Variants in ST7 observed in about 807,000 individuals in gnomAD.
The protein encoded by ST7 is suppression of tumorigenicity 7.
ST7 carries 28 observed loss-of-function variants against 78.7 expected under a neutral mutation model. The ratio of observed to expected loss-of-function variants is 0.36; its 90% CI spans 0.26 to 0.49. The LOEUF is 0.49. ST7 is among the 20% of genes least tolerant of loss of function. The pLI is 0.99. For synonymous variants in ST7, 247 were observed against 249.6 expected (o/e 0.99, Z 0.10); for missense variants, 418 against 696.0 (o/e 0.60, Z 4.49).
chr7:117,089,624 T>C (rs1800438711), intron 1 of ST7, among the ~76,000 whole-genome samples: 1 of 149,816 alleles, frequency 6.7e-6, no homozygotes, highest in Non-Finnish European at 1.5e-5. Context: ...CAGGCTGGAG[T>C]GCAATGGCGC....
At chr7:117,048,816 T>G (rs1179840543) in intron 1 of ST7, among the ~76,000 whole-genome samples, 1 of 152,216 alleles carries the variant, frequency 6.6e-6, no homozygotes, top group Non-Finnish European at 1.5e-5. Context: ...GTTCCCTTTG[T>G]TGGGGTTCTC....
At chr7:117,134,830 T>G (rs1410941886) in intron 7 of ST7, among the ~76,000 whole-genome samples, 1 of 151,994 alleles carries the variant, frequency 6.6e-6, no homozygotes, top group Non-Finnish European at 1.5e-5. Flanking sequence ...TGGGCATTTT[T>G]CTCCCTACCT....
chr7:117,062,005 G>C (rs1165641752), intron 1 of ST7, among the ~76,000 whole-genome samples: 1 of 152,152 alleles, frequency 6.6e-6, no homozygotes, highest in African/African-American at 2.4e-5. Flanking sequence ...ATGAAGGTTG[G>C]GAAGTTCAAG....
At chr7:117,090,139 A>G (rs896738567) in intron 1 of ST7, among the ~76,000 whole-genome samples, 3 of 152,256 alleles carry the variant, frequency 2.0e-5, no homozygotes, top group African/African-American at 7.2e-5. Context: ...TGAGGATAAT[A>G]TAAGTATATC....
At chr7:117,194,217 T>C (rs1228769688) in intron 12 of ST7, among the ~76,000 whole-genome samples, 2 of 152,220 alleles carry the variant, frequency 1.3e-5, no homozygotes, top group Admixed American at 6.5e-5. Flanking sequence ...CACTCCCTCC[T>C]GAGAAACTGT....
At chr7:116,973,021 T>C (rs1047728530) in intron 1 of ST7, 3 of 690,124 alleles carry the variant, frequency 4.3e-6, no homozygotes, top group Admixed American at 2.0e-5. Flanking sequence ...CATTTGTTTA[T>C]AGCAGTATGG....
intron 1 of ST7, among the ~76,000 whole-genome samples, chr7:117,048,863 G>A (rs1179003304): frequency 6.6e-6 from 1 of 152,034 alleles, no homozygotes; most frequent in Non-Finnish European, 1.5e-5. Context: ...AGAGTATTGT[G>A]TGTAATGAGC....
At chr7:117,086,246 A>G (rs561812963) in intron 1 of ST7, among the ~76,000 whole-genome samples, 1 of 152,320 alleles carries the variant, frequency 6.6e-6, no homozygotes, top group South Asian at 2.1e-4. Context: ...TTGGCCTTCC[A>G]GTGGTAATAC....
rs567838695 is a variant in ST7, at chr7:117,157,105, C to T, written c.964-13757C>T. Among the ~76,000 whole-genome samples the T allele has an allele frequency of 2.6e-5, 4 of 152,110 alleles. No homozygotes were observed. In the East Asian group the frequency reaches 5.8e-4, roughly 22 times the overall value. On this transcript the variant is annotated intron_variant, in intron 9 of 15. Transcript: ENST00000323984. Reference sequence around the variant, plus strand: ...CAGATACCAAAATCTTCAGTGTATGCGGGTCTGTTACTTGGTAGAATACAT... The same window carrying T: ...CAGATACCAAAATCTTCAGTGTATGTGGGTCTGTTACTTGGTAGAATACAT...
At position 117,204,393 on chromosome 7, in the gene ST7, G is replaced by A. The variant is rs140450354; in HGVS notation, c.1255-5394G>A. On this transcript the variant is annotated intron_variant, in intron 12 of 15. Coordinates refer to ENST00000323984, the MANE Select transcript of ST7 (RefSeq NM_001369598.1). ...CCAGTTTTACAGAGGAGCAAACTGA[G>A]GTTCAAAGAAATTAAATAACATGTC... 6.6e-4 allele frequency among the ~76,000 whole-genome samples: 101 copies of A among 152,250 alleles called. 1 individual carries two copies. The highest frequency in any genetic ancestry group is 1.3e-3 in the Non-Finnish European group (91 of 68,018).
chr7:117,190,854 C>G lies in ST7; in HGVS notation c.1172C>G (p.Ser391Cys), dbSNP rs1036145169. 6.2e-7 allele frequency: 1 copy of G among 1,614,044 alleles called. No homozygotes were observed. The highest frequency in any genetic ancestry group is 8.5e-7 in the Non-Finnish European group (1 of 1,179,994). ...TTCAGATTCTCTCCTGAGGCTGCAT[C>G]TCGGCGGGGGCTGAGCACAGCAGAG... ...VSDKFSPEAA[S>C]RRGLSTAEMN... The change falls in exon 12 of 16, where the codon TCT (serine) becomes TGT (cysteine). Residue 391 changes from serine to cysteine, a missense_variant. By Grantham distance (112) the Ser-to-Cys change is moderately radical. This residue lies in a region of ST7 where 288 missense variants were observed against 537.1 expected (regional missense o/e 0.54). Transcript: ENST00000323984. The surrounding 1 kb of genome is among the most constrained non-coding windows in gnomAD (Gnocchi z 5.2).
intron 1 of ST7, among the ~76,000 whole-genome samples, chr7:117,010,712 T>A (rs554639326): frequency 1.3e-5 from 2 of 152,210 alleles, no homozygotes; most frequent in African/African-American, 4.8e-5. Context: ...ACATTTATAA[T>A]CCAACCCTGG....
intron 1 of ST7, among the ~76,000 whole-genome samples, chr7:117,058,383 G>C (rs537480940): frequency 6.6e-6 from 1 of 152,192 alleles, no homozygotes; most frequent in East Asian, 1.9e-4. Context: ...AAAAGCACTT[G>C]ATCTGGAAAA....
At chr7:117,038,135 C>T (rs545133134) in intron 1 of ST7, among the ~76,000 whole-genome samples, 1 of 152,296 alleles carries the variant, frequency 6.6e-6, no homozygotes, top group African/African-American at 2.4e-5. Flanking sequence ...GCAAAAACTC[C>T]CAGTACACTA....
At chr7:117,217,387 C>T (rs771485353) in intron 13 of ST7, among the ~76,000 whole-genome samples, 1 of 151,840 alleles carries the variant, frequency 6.6e-6, no homozygotes, top group Non-Finnish European at 1.5e-5. Context: ...GCATTAAAAT[C>T]CTGCCGTAAT....
intron 1 of ST7, among the ~76,000 whole-genome samples, chr7:116,979,624 C>G (rs1793856169): frequency 6.6e-6 from 1 of 152,142 alleles, no homozygotes; most frequent in African/African-American, 2.4e-5. Flanking sequence ...CTTAATCTCT[C>G]TTTGCTTCCT....
chr7:117,159,494 C>A (rs532715285), intron 9 of ST7, among the ~76,000 whole-genome samples: 5 of 152,032 alleles, frequency 3.3e-5, no homozygotes, highest in Non-Finnish European at 7.4e-5. Context: ...GAGAAGATAG[C>A]GGGCAATAAA....
intron 1 of ST7, among the ~76,000 whole-genome samples, chr7:117,098,399 G>A (rs983100123): frequency 1.3e-5 from 2 of 152,050 alleles, no homozygotes; most frequent in African/African-American, 2.4e-5. Flanking sequence ...CAGCTGAGAT[G>A]TGTCCATCTC....
chr7:117,229,633 G>T, intron 15 of ST7, 129 bp from the exon 16 acceptor site: 1 of 741,836 alleles, frequency 1.3e-6, no homozygotes, highest in Non-Finnish European at 2.3e-6. Context: ...TAAACATAAA[G>T]ATGAAATGGT....
Sources: allele counts gnomAD v4.1 joint callset (sites outside exome capture counted in the v4.1 genomes callset), GRCh38; gene constraint gnomAD v4.1.1; regional missense constraint gnomAD v4.1.1; non-coding constraint Gnocchi (gnomAD v3.1); transcripts MANE v1.5; gene names NCBI Gene and HGNC (gene_info 2026-07-23, HGNC 2026-07-21).